The following RUNX2 variants were observed in gnomAD, a reference collection of about 807,000 sequenced individuals.
RUNX2 encodes the protein RUNX family transcription factor 2, also known as runt-related transcription factor 2.
RUNX2 carries 10 observed loss-of-function variants against 51.7 expected under a neutral mutation model. The observed-to-expected ratio is 0.19, with a 90% CI of 0.12 to 0.33. The LOEUF is 0.33. Ranked by LOEUF, RUNX2 falls within the 10% of genes least tolerant of loss-of-function variation. The pLI is 1.00. For synonymous variants in RUNX2, 276 were observed against 273.6 expected (o/e 1.01, Z -0.09); for missense variants, 562 against 691.3 (o/e 0.81, Z 2.10).
chr6:45,489,432 T>A (rs1800388163), intron 5 of RUNX2, among the ~76,000 whole-genome samples: 1 of 152,174 alleles, frequency 6.6e-6, no homozygotes, highest in Non-Finnish European at 1.5e-5. Context: ...AGCTCACATC[T>A]CATACAGCCT....
Position 45,547,397 on chromosome 6 carries a change from TCG to T in RUNX2, c.*93_*94del. The T allele has an allele frequency of 9.5e-7, 1 of 1,049,456 alleles. No homozygotes were observed. Among genetic ancestry groups the T allele is most frequent in the Admixed American group, 1.7e-5 (1 of 58,306 alleles). The allele number at this position is 1,049,456 out of a possible 1,614,324, so 65.0% of individuals were successfully genotyped here. The stretch of plus-strand genomic sequence containing the variant: ...TAGAGAGAGTGCATATATATGTATA[TCG>T]ATTAGCTATCTACAAAGTGCCTATT... On this transcript the variant is annotated 3_prime_UTR_variant, in exon 9 of 9. Coordinates refer to ENST00000647337, the MANE Select transcript of RUNX2 (RefSeq NM_001024630.4).
chr6:45,343,218 G>A (rs1790172185), intron 2 of RUNX2, among the ~76,000 whole-genome samples: 1 of 152,108 alleles, frequency 6.6e-6, no homozygotes, highest in Non-Finnish European at 1.5e-5. Context: ...TGTTAAAAAT[G>A]CAGAATCTCA....
intron 2 of RUNX2, chr6:45,422,348 C>A: frequency 2.0e-6 from 1 of 500,396 alleles, no homozygotes; most frequent in African/African-American, 2.0e-5. Context: ...CTGCGCCTCC[C>A]GGGTCTCCCT....
intron 2 of RUNX2, among the ~76,000 whole-genome samples, chr6:45,335,517 CA>C (rs1439390141): frequency 6.6e-6 from 1 of 151,168 alleles, no homozygotes; most frequent in Non-Finnish European, 1.5e-5. Flanking sequence ...CATTAAAATA[CA>C]TTTTTTTAGA....
At chr6:45,367,349 C>A (rs181995342) in intron 2 of RUNX2, among the ~76,000 whole-genome samples, 2 of 152,160 alleles carry the variant, frequency 1.3e-5, no homozygotes, top group African/African-American at 4.8e-5. Flanking sequence ...GAAAGACCAT[C>A]GCTTTTTTTA....
chr6:45,369,086 A>G (rs1403601662), intron 2 of RUNX2, among the ~76,000 whole-genome samples: 1 of 152,128 alleles, frequency 6.6e-6, no homozygotes, highest in African/African-American at 2.4e-5. Flanking sequence ...TAATCTCAAT[A>G]TATTAATATA....
At chr6:45,351,582 C>A (rs766581683) in intron 2 of RUNX2, among the ~76,000 whole-genome samples, 1 of 152,114 alleles carries the variant, frequency 6.6e-6, no homozygotes, top group Non-Finnish European at 1.5e-5. Flanking sequence ...TTTTCTGTTA[C>A]ATTTTCTGTT....
intron 2 of RUNX2, among the ~76,000 whole-genome samples, chr6:45,397,850 A>T (rs1797615609): frequency 6.6e-6 from 1 of 152,226 alleles, no homozygotes; most frequent in Admixed American, 6.5e-5. Flanking sequence ...AACTTATAAC[A>T]TTAAATATAA....
At chr6:45,331,948 G>C (rs1355195003) in intron 2 of RUNX2, among the ~76,000 whole-genome samples, 1 of 151,946 alleles carries the variant, frequency 6.6e-6, no homozygotes, top group Non-Finnish European at 1.5e-5. Context: ...TGAAATATTT[G>C]ATGGTTAAAT....
intron 3 of RUNX2, among the ~76,000 whole-genome samples, chr6:45,427,543 T>C (rs1460948936): frequency 1.3e-5 from 2 of 152,146 alleles, no homozygotes; most frequent in Admixed American, 6.5e-5. Flanking sequence ...CTTTAAGTAA[T>C]TGTGATAGGA....
At chr6:45,433,564 A>T (rs1300657078) in intron 4 of RUNX2, among the ~76,000 whole-genome samples, 3 of 151,984 alleles carry the variant, frequency 2.0e-5, no homozygotes, top group Non-Finnish European at 4.4e-5. Context: ...TACATTACAG[A>T]TTCAAACTAG....
At position 45,356,916 on chromosome 6, in the gene RUNX2, G is replaced by A. The variant is rs185923436; in HGVS notation, c.58+28132G>A. 2.8e-3 allele frequency among the ~76,000 whole-genome samples: 424 copies of A among 152,190 alleles called. 1 individual carries two copies. Among genetic ancestry groups the A allele is most frequent in the Non-Finnish European group, 4.2e-3 (284 of 68,012 alleles). On this transcript the variant is annotated intron_variant, in intron 2 of 8. Coordinates refer to ENST00000647337, the MANE Select transcript of RUNX2 (RefSeq NM_001024630.4). Reference sequence around the variant, plus strand: ...TTTAATTTACAGAATTTACTGTAACGAGGCAAATCAATATATAATATAGGC... The same window carrying A: ...TTTAATTTACAGAATTTACTGTAACAAGGCAAATCAATATATAATATAGGC...
At chr6:45,449,604 T>A (rs575182920) in intron 5 of RUNX2, among the ~76,000 whole-genome samples, 4 of 152,340 alleles carry the variant, frequency 2.6e-5, no homozygotes, top group African/African-American at 9.6e-5. Flanking sequence ...TTGGTTGATG[T>A]GATGAAGCAG....
At chr6:45,423,063 T>A (rs1227985101) in intron 3 of RUNX2, 106 bp downstream of exon 3, 1 of 1,454,742 alleles carries the variant, frequency 6.9e-7, no homozygotes, top group African/African-American at 1.4e-5. Context: ...CAAGACCTCC[T>A]GCCTTGGCGG....
intron 7 of RUNX2, among the ~76,000 whole-genome samples, chr6:45,519,995 T>A (rs1801455978): frequency 6.6e-6 from 1 of 151,942 alleles, no homozygotes. Flanking sequence ...CACATCTGGC[T>A]ATTTTTTTGT....
At chr6:45,348,767 A>T (rs755004477) in intron 2 of RUNX2, among the ~76,000 whole-genome samples, 1 of 152,008 alleles carries the variant, frequency 6.6e-6, no homozygotes, top group Non-Finnish European at 1.5e-5. Context: ...CACATTACCT[A>T]TTTAGTGATG....
chr6:45,454,755 A>G (rs993252009), intron 5 of RUNX2, among the ~76,000 whole-genome samples: 2 of 152,108 alleles, frequency 1.3e-5, no homozygotes, highest in Admixed American at 6.6e-5. Context: ...TTCTATTCCT[A>G]CTTCTATTCC....
intron 5 of RUNX2, among the ~76,000 whole-genome samples, chr6:45,477,005 G>T (rs1799973239): frequency 6.6e-6 from 1 of 152,180 alleles, no homozygotes. Flanking sequence ...TGGAATGAAT[G>T]AAGGAGAGTT....
intron 2 of RUNX2, among the ~76,000 whole-genome samples, chr6:45,413,084 G>A (rs1189615085): frequency 1.3e-5 from 2 of 152,084 alleles, no homozygotes; most frequent in African/African-American, 2.4e-5. Context: ...GTAAAGATTT[G>A]ATAATGGAAT....
Sources: gnomAD v4.1 joint callset for allele counts (sites outside exome capture counted in the v4.1 genomes callset) on GRCh38, gnomAD v4.1.1 for gene constraint, MANE v1.5 for transcripts, NCBI Gene and HGNC (gene_info 2026-07-23, HGNC 2026-07-21) for gene names.